SART3: variants seen among roughly 807,000 people sequenced by gnomAD.
SART3 encodes HIV-1 Tat-interacting protein of 110kDa.
In SART3, 44 loss-of-function variants were observed where a neutral mutation model predicts 122.3. The ratio of observed to expected loss-of-function variants is 0.36; its 90% CI spans 0.28 to 0.46. The LOEUF (loss-of-function observed/expected upper bound fraction) is 0.46, where lower values mean the gene tolerates loss of function less well. Ranked by LOEUF, SART3 falls within the 20% of genes least tolerant of loss-of-function variation. SART3 has a pLI of 1.00. For synonymous variants in SART3, 442 were observed against 454.0 expected, an observed-to-expected ratio of 0.97 and a Z score of 0.34; for missense variants, 1,101 against 1,229.0, an observed-to-expected ratio of 0.90 and a Z score of 1.56.
At chr12:108,531,606 G>T in intron 13 of SART3, 2 of 299,566 alleles carry the variant, frequency 6.7e-6, no homozygotes, top group Non-Finnish European at 1.3e-5. Context: ...CAAATGTTGA[G>T]GCATTTATTT....
intron 1 of SART3, among the ~76,000 whole-genome samples, chr12:108,552,505 G>A (rs1592775063): frequency 7.0e-6 from 1 of 143,312 alleles, no homozygotes; most frequent in African/African-American, 2.6e-5. Flanking sequence ...ATAGTGAACT[G>A]AGCAAGGTCA....
rs930939886 is a variant in SART3 at position 108,524,598 on chromosome 12, G to A, written c.2524-92C>T. The A allele has an allele frequency of 3.5e-6, 4 of 1,154,748 alleles. No homozygotes were observed. The African/African-American group carries it at 6.0e-5, about 17-fold the overall frequency. 71.5% of individuals were successfully genotyped at this position (1,154,748 alleles called of 1,614,324 possible). ...GGCAGGCACTGGGCTTCCTCCCGGA[G>A]ACCAGCAGACCAGGCCACAGCAAAC... On this transcript the variant is annotated intron_variant, in intron 17 of 18. Coordinates refer to ENST00000546815, the MANE Select transcript of SART3 (RefSeq NM_014706.4).
At chr12:108,539,407 T>C (rs933644804) in intron 6 of SART3, among the ~76,000 whole-genome samples, 5 of 152,246 alleles carry the variant, frequency 3.3e-5, no homozygotes, top group African/African-American at 1.2e-4. Flanking sequence ...CAGTGACCAC[T>C]GTCAACCACC....
chr12:108,537,952 C>G, intron 8 of SART3, 113 bp downstream of exon 8: 1 of 1,410,354 alleles, frequency 7.1e-7, no homozygotes, highest in Non-Finnish European at 1.0e-6. Flanking sequence ...TGTCACTACA[C>G]TCCATAACCC....
intron 13 of SART3, chr12:108,531,655 G>A (rs1206788362): frequency 2.2e-5 from 6 of 274,072 alleles, no homozygotes; most frequent in Non-Finnish European, 3.5e-5. Flanking sequence ...GTTCTGAGGG[G>A]TCCATACCCA....
chr12:108,551,104 T>A (rs2029991233), intron 1 of SART3, among the ~76,000 whole-genome samples: 1 of 152,122 alleles, frequency 6.6e-6, no homozygotes, highest in Admixed American at 6.6e-5. Context: ...TCATTTCAAA[T>A]TCAAAGACAC....
chr12:108,542,877 A>G lies in SART3; in HGVS notation c.906+151T>C, dbSNP rs905666155. On this transcript the variant is annotated intron_variant, in intron 6 of 18. Coordinates refer to ENST00000546815, the MANE Select transcript of SART3 (RefSeq NM_014706.4). ...CTGGGTGGTAGGTACATGGATGTTC[A>G]CTTTATTATTAGTATGTAAACTGTA... is the stretch of plus-strand genomic sequence containing the variant. The G allele has an allele frequency of 3.7e-6, 4 of 1,085,964 alleles. No homozygotes were observed. In the African/African-American group the frequency reaches 6.3e-5, roughly 17 times the overall value. The allele number at this position is 1,085,964 out of a possible 1,614,324, so 67.3% of individuals were successfully genotyped here.
rs776642522 is a variant in SART3 at position 108,535,485 on chromosome 12, G to A, written c.1447-17C>T. 6.2e-7 allele frequency: 1 copy of A among 1,605,976 alleles called. No homozygotes were observed. The highest frequency in any genetic ancestry group is 1.1e-5 in the South Asian group (1 of 90,922). On this transcript the variant is annotated splice_polypyrimidine_tract_variant and intron_variant, in intron 11 of 18. Transcript: ENST00000546815. The stretch of plus-strand genomic sequence containing the variant: ...CAGTCGAGCCTAAAGTGCATCAGCA[G>A]GCTGTTAGGAGACCTGAACCTTATG...
chr12:108,556,414 G>C (rs2030221925), intron 1 of SART3, among the ~76,000 whole-genome samples: 1 of 152,208 alleles, frequency 6.6e-6, no homozygotes, highest in African/African-American at 2.4e-5. Context: ...TCTTGTACAT[G>C]ATGTGAACTG....
chr12:108,540,663 A>T (rs1470271003), intron 6 of SART3, among the ~76,000 whole-genome samples: 2 of 149,938 alleles, frequency 1.3e-5, no homozygotes, highest in African/African-American at 4.9e-5. Flanking sequence ...AAAAGCCAAG[A>T]TCCTCTTGAA....
At chr12:108,528,901 C>G (rs944187395) in intron 15 of SART3, among the ~76,000 whole-genome samples, 1 of 152,152 alleles carries the variant, frequency 6.6e-6, no homozygotes, top group African/African-American at 2.4e-5. Flanking sequence ...GCAGACAGAT[C>G]ACTTGAGGCC....
intron 1 of SART3, 89 bp downstream of exon 1, chr12:108,560,754 G>C (rs757042140): frequency 8.0e-7 from 1 of 1,247,994 alleles, no homozygotes; most frequent in Admixed American, 2.7e-5. Context: ...CGGCTTTATC[G>C]CCGCCGAGGA....
chr12:108,536,706 AC>A lies in SART3; in HGVS notation c.1387+1del. 6.2e-7 allele frequency: 1 copy of A among 1,613,980 alleles called. No individual in the cohort carries two copies. The highest frequency in any genetic ancestry group is 1.1e-5 in the South Asian group (1 of 91,076). On this transcript the variant is annotated splice_donor_variant, in intron 10 of 18. Transcript: ENST00000546815. LOFTEE classifies it high-confidence loss of function. ...CAAAACCACAGGCTGGGGCATACTT[AC>A]GCTCTTCCACCTCCTGCTTCAGATA...
At chr12:108,558,764 T>C (rs1452958820) in intron 1 of SART3, among the ~76,000 whole-genome samples, 1 of 152,168 alleles carries the variant, frequency 6.6e-6, no homozygotes, top group African/African-American at 2.4e-5. Flanking sequence ...GCAGGCGCGG[T>C]GGCTCACGCC....
chr12:108,543,033 C>G lies in SART3; in HGVS notation c.901G>C (p.Ala301Pro), dbSNP rs1433076232. 1.2e-6 allele frequency: 2 copies of G among 1,614,084 alleles called. No homozygotes were observed. The highest frequency in any genetic ancestry group is 3.3e-5 in the Admixed American group (2 of 60,002). ...TAAAAGAAGCCAACACTTACCAGTG[C>G]TTCTTCATAGGGTTTATATTTCTCC... ...QLEKYKPYEE[A>P]LLQAEAPRLA... The change falls in exon 6 of 19, where the codon GCA becomes CCA. Residue 301 changes from alanine to proline, a missense_variant. Ala to Pro is a conservative substitution (Grantham distance 27). Coordinates refer to ENST00000546815, the MANE Select transcript of SART3 (RefSeq NM_014706.4).
chr12:108,542,890 T>C (rs951979400), intron 6 of SART3, 138 bp downstream of exon 6: 2 of 1,151,200 alleles, frequency 1.7e-6, no homozygotes, highest in East Asian at 2.5e-5. Flanking sequence ...TTATTATTAG[T>C]ATGTAAACTG....
intron 1 of SART3, among the ~76,000 whole-genome samples, chr12:108,554,844 T>C (rs73402789): frequency 0.025 from 3,780 of 152,160 alleles, 154 homozygotes; most frequent in African/African-American, 0.086. Flanking sequence ...CTGTTAATTA[T>C]GGTCAGATGA....
Position 108,560,831 on chromosome 12 carries a change from C to A in SART3, c.312+12G>T. On this transcript the variant is annotated intron_variant, in intron 1 of 18. Transcript: ENST00000546815. The stretch of plus-strand genomic sequence containing the variant: ...AGACTGGAAGATGCCCGCTGCCCAC[C>A]CCCGGGCCCACCTGCTCCTCCAGTC... 6.3e-7 allele frequency: 1 copy of A among 1,578,732 alleles called. No homozygotes were observed.
Position 108,525,583 on chromosome 12 carries a change from C to T in SART3, c.2397G>A (p.Glu799=), listed in dbSNP as rs1165536962. Residue 799 remains glutamate (E), a synonymous_variant, in exon 17 of 19, where the codon GAG becomes GAA. Coordinates refer to ENST00000546815, the MANE Select transcript of SART3 (RefSeq NM_014706.4). ...GGCCTGAGATGAACAGCTTGTGTTT[C>T]TCTAGGGAAGTGCTGTACCTGAACA... ...FKVFRYSTSL[E]KHKLFISGLP... is the part of the protein sequence containing the mutation. The T allele has an allele frequency of 6.2e-7, 1 of 1,613,984 alleles. No individual in the cohort carries two copies. Among genetic ancestry groups the T allele is most frequent in the African/African-American group, 1.3e-5 (1 of 74,900 alleles).
Sources: gnomAD v4.1 joint callset for allele counts (sites outside exome capture counted in the v4.1 genomes callset) on GRCh38, gnomAD v4.1.1 for gene constraint, MANE v1.5 for transcripts, NCBI Gene and HGNC (gene_info 2026-07-23, HGNC 2026-07-21) for gene names.